The following SDK1 variants were observed in gnomAD, a reference collection of about 807,000 sequenced individuals.
SDK1 encodes the protein protein sidekick-1.
Under a neutral mutation model 245.5 loss-of-function variants are expected in SDK1, and 157 were observed. The ratio of observed to expected loss-of-function variants is 0.64; its 90% CI spans 0.56 to 0.73. SDK1 has a LOEUF of 0.73. Ranked by LOEUF, SDK1 falls within the 30% of genes least tolerant of loss-of-function variation. The pLI is 0.00. For synonymous variants in SDK1, 1,647 were observed against 1,278.5 expected, an observed-to-expected ratio of 1.29 and a Z score of -6.15; for missense variants, 3,583 against 3,002.3, an observed-to-expected ratio of 1.19 and a Z score of -4.52.
intron 22 of SDK1, among the ~76,000 whole-genome samples, chr7:4,093,629 C>T (rs551904375): frequency 2.6e-5 from 4 of 152,278 alleles, no homozygotes; most frequent in South Asian, 4.1e-4. Context: ...AGCAGCCGGG[C>T]GCCCAGGCGT....
intron 4 of SDK1, among the ~76,000 whole-genome samples, chr7:3,715,688 G>T (rs1173407812): frequency 3.9e-5 from 6 of 152,102 alleles, no homozygotes; most frequent in Non-Finnish European, 7.4e-5. Flanking sequence ...TAAAATAAAA[G>T]ATTTAAATAG....
Position 3,455,151 on chromosome 7 carries a change from A to G in SDK1, c.298+153267A>G, listed in dbSNP as rs1343470169. 5.5e-5 allele frequency among the ~76,000 whole-genome samples: 8 copies of G among 146,276 alleles called. 1 individual carries two copies. The highest frequency in any genetic ancestry group is 5.4e-4 in the Admixed American group (8 of 14,692). The stretch of plus-strand genomic sequence containing the variant: ...GTAATTGGATTTTTGTTTTTTTTTT[A>G]CTGTTGAGTTTTAAAAATATATATT... On this transcript the variant is annotated intron_variant, in intron 1 of 44. Transcript: ENST00000404826.
chr7:3,477,121 G>A (rs567520081), intron 1 of SDK1, among the ~76,000 whole-genome samples: 317 of 151,086 alleles, frequency 2.1e-3, no homozygotes, highest in Non-Finnish European at 3.8e-3. Flanking sequence ...CCTTGTTTAA[G>A]CTAGTTGAGA....
At chr7:4,120,603 T>G (rs1430146994) in intron 25 of SDK1, among the ~76,000 whole-genome samples, 1 of 148,812 alleles carries the variant, frequency 6.7e-6, no homozygotes, top group Non-Finnish European at 1.5e-5. Flanking sequence ...ATATATTGTT[T>G]TGATAATTTT....
intron 4 of SDK1, among the ~76,000 whole-genome samples, chr7:3,730,468 G>A (rs185406858): frequency 6.6e-6 from 1 of 152,152 alleles, no homozygotes; most frequent in Non-Finnish European, 1.5e-5. Context: ...GAAATGACAG[G>A]TGGGTAGGAC....
At chr7:3,445,769 T>C (rs1455585687) in intron 1 of SDK1, among the ~76,000 whole-genome samples, 1 of 152,160 alleles carries the variant, frequency 6.6e-6, no homozygotes, top group East Asian at 1.9e-4. Flanking sequence ...ATATTATTTT[T>C]GTTTCAGCCA....
chr7:4,122,710 A>G (rs1360958634), intron 25 of SDK1, among the ~76,000 whole-genome samples: 1 of 152,156 alleles, frequency 6.6e-6, no homozygotes, highest in African/African-American at 2.4e-5. Context: ...GAGAGAAAAA[A>G]ATGAAGGAGA....
chr7:3,754,987 C>G (rs918093240), intron 4 of SDK1, among the ~76,000 whole-genome samples: 2 of 152,152 alleles, frequency 1.3e-5, no homozygotes, highest in African/African-American at 2.4e-5. Context: ...TCTGGAAAGG[C>G]TTTGTTTTAT....
intron 24 of SDK1, 23 bp from the exon 25 acceptor site, chr7:4,114,014 C>G: frequency 6.3e-7 from 1 of 1,599,842 alleles, no homozygotes; most frequent in Non-Finnish European, 8.6e-7. Context: ...GTCAGCTCAT[C>G]GCGACTCCTC....
intron 1 of SDK1, among the ~76,000 whole-genome samples, chr7:3,595,895 C>T (rs1278172125): frequency 2.9e-5 from 4 of 137,226 alleles, no homozygotes; most frequent in Admixed American, 1.5e-4. Flanking sequence ...TTTATGTTGT[C>T]TAGTTACTAG....
chr7:3,719,397 T>C (rs184205926), intron 4 of SDK1, among the ~76,000 whole-genome samples: 4 of 152,260 alleles, frequency 2.6e-5, no homozygotes, highest in African/African-American at 7.2e-5. Context: ...TAACGCTTAC[T>C]GTATCCTGAC....
At chr7:3,988,532 C>T (rs1010904546) in intron 14 of SDK1, among the ~76,000 whole-genome samples, 1 of 152,182 alleles carries the variant, frequency 6.6e-6, no homozygotes, top group African/African-American at 2.4e-5. Context: ...GCCTCGCTCC[C>T]TGTGCAGCCT....
At chr7:4,081,235 A>G (rs1203362107) in intron 22 of SDK1, among the ~76,000 whole-genome samples, 1 of 152,170 alleles carries the variant, frequency 6.6e-6, no homozygotes, top group Non-Finnish European at 1.5e-5. Flanking sequence ...CTAGGAGTGG[A>G]TGACGCTCCT....
chr7:4,072,300 C>T (rs938735573), intron 20 of SDK1, among the ~76,000 whole-genome samples: 1 of 152,194 alleles, frequency 6.6e-6, no homozygotes, highest in Non-Finnish European at 1.5e-5. Flanking sequence ...CTGCAGGTTC[C>T]TCTCGGCAGC....
chr7:3,975,472 T>C (rs1782849394), intron 13 of SDK1, among the ~76,000 whole-genome samples: 1 of 151,958 alleles, frequency 6.6e-6, no homozygotes, highest in Admixed American at 6.6e-5. Flanking sequence ...TCAAAATCAT[T>C]CCCCACAAAT....
intron 5 of SDK1, among the ~76,000 whole-genome samples, chr7:3,927,355 A>G (rs898938792): frequency 6.6e-6 from 1 of 152,028 alleles, no homozygotes; most frequent in Non-Finnish European, 1.5e-5. Context: ...ATTTTGGAGC[A>G]TTTCATTTAT....
chr7:3,523,869 C>G (rs2128615553), intron 1 of SDK1, among the ~76,000 whole-genome samples: 1 of 152,282 alleles, frequency 6.6e-6, no homozygotes, highest in Middle Eastern at 3.4e-3. Context: ...ATTTGGTTTT[C>G]TACCCCCTTA....
Position 3,780,767 on chromosome 7 carries a change from G to T in SDK1, c.714-40683G>T, listed in dbSNP as rs80140917. ...GAGACTCCCACCTCCTGGCATTTTG[G>T]ATAAATGCAGGGGCTAGTCTTGCTT... is the stretch of plus-strand genomic sequence containing the variant. On this transcript the variant is annotated intron_variant, in intron 4 of 44. Transcript: ENST00000404826. Among the ~76,000 whole-genome samples the T allele has an allele frequency of 5.0e-3, 757 of 152,034 alleles. 9 individuals carry two copies. The highest frequency in any genetic ancestry group is 0.017 in the African/African-American group (705 of 41,488).
At position 3,325,255 on chromosome 7, in the gene SDK1, G is replaced by GT. The variant is rs1436465093; in HGVS notation, c.298+23378dup. Among the ~76,000 whole-genome samples the GT allele has an allele frequency of 2.0e-5, 3 of 151,878 alleles. No homozygotes were observed. In the East Asian group the frequency reaches 5.8e-4, roughly 29 times the overall value. ...TTCGTGATCTGAGCATTAATAGCCT[G>GT]TTTTTTTCCTAATTGCATGTTTTAT... On this transcript the variant is annotated intron_variant, in intron 1 of 44. Coordinates refer to ENST00000404826, the MANE Select transcript of SDK1 (RefSeq NM_152744.4).
Sources: allele counts gnomAD v4.1 joint callset (sites outside exome capture counted in the v4.1 genomes callset), GRCh38; gene constraint gnomAD v4.1.1; transcripts MANE v1.5; gene names NCBI Gene and HGNC (gene_info 2026-07-23, HGNC 2026-07-21).